RUBCN: variants seen among roughly 807,000 people sequenced by gnomAD.
The protein encoded by RUBCN is rubicon autophagy regulator, also known as run domain Beclin-1-interacting and cysteine-rich domain-containing protein.
A neutral mutation model predicts 113.2 loss-of-function variants in RUBCN; 74 were observed. That is an observed-to-expected ratio of 0.65 (90% CI 0.54 to 0.79). The LOEUF (loss-of-function observed/expected upper bound fraction) is 0.79, where lower values mean the gene tolerates loss of function less well. Among genes scored for constraint, RUBCN ranks in the 30% least tolerant of loss-of-function variants. The pLI, the probability that RUBCN is intolerant of heterozygous loss-of-function variation, is 0.00. For missense variants in RUBCN, 1,109 were observed against 1,251.7 expected, an observed-to-expected ratio of 0.89 and a Z score of 1.72; for synonymous variants, 480 against 490.0, an observed-to-expected ratio of 0.98 and a Z score of 0.27.
At position 197,681,797 on chromosome 3, in the gene RUBCN, C is replaced by T; in HGVS notation, c.2191+38G>A. 1.3e-6 allele frequency: 2 copies of T among 1,581,350 alleles called. No homozygotes were observed. Among genetic ancestry groups the T allele is most frequent in the Non-Finnish European group, 1.7e-6 (2 of 1,150,140 alleles). ...CCTACGTGTCGGGGAGGGTACAGAG[C>T]CTCTGGAGGCAGCATGGTGGGAAGG... On this transcript the variant is annotated intron_variant, in intron 15 of 19. Transcript: ENST00000296343. This position sits in a 1 kb window ranked among gnomAD's most constrained non-coding sequence, Gnocchi z 5.5.
chr3:197,728,990 G>C (rs547922122), intron 1 of RUBCN, among the ~76,000 whole-genome samples: 2 of 152,124 alleles, frequency 1.3e-5, no homozygotes, highest in South Asian at 2.1e-4. Context: ...CAGGCCGGGC[G>C]CGGTGGCTCA....
chr3:197,749,728 A>C, upstream of RUBCN: 2 of 620,034 alleles, frequency 3.2e-6, no homozygotes, highest in Non-Finnish European at 5.9e-6. Flanking sequence ...AGCGCCTAGC[A>C]CAGCGGCTGC....
At chr3:197,679,092 C>T (rs1720857550) in intron 16 of RUBCN, among the ~76,000 whole-genome samples, 1 of 149,552 alleles carries the variant, frequency 6.7e-6, no homozygotes, top group Non-Finnish European at 1.5e-5. Context: ...GTCCTGTGCT[C>T]TAACTGACAA....
In RUBCN at chr3:197,675,091, G is replaced by A; in HGVS notation, c.2846C>T (p.Ser949Phe). Residue 949 changes from serine to phenylalanine, a missense_variant, in exon 20 of 20, where the codon TCT becomes TTT. Physicochemically the swap from Ser to Phe is radical, Grantham distance 155. Coordinates refer to ENST00000296343, the MANE Select transcript of RUBCN (RefSeq NM_014687.4). The surrounding 1 kb of genome is among the most constrained non-coding windows in gnomAD (Gnocchi z 4.4). ...CTCCTCCTCGTAGTCTGACAGGTAA[G>A]ACTCCAGGCTCTGCCTGGCCAGTGC... The part of the protein sequence containing the change: ...REALARQSLE[S>F]YLSDYEEEPA... 1 of 1,613,488 alleles carries A rather than the reference G, an allele frequency of 6.2e-7. No homozygotes were observed. The highest frequency in any genetic ancestry group is 8.5e-7 in the Non-Finnish European group (1 of 1,179,982).
At chr3:197,706,902 ATCATGAAGACCT>A (rs1271654100) in intron 2 of RUBCN, among the ~76,000 whole-genome samples, 2 of 152,114 alleles carry the variant, frequency 1.3e-5, no homozygotes, top group Non-Finnish European at 2.9e-5. Flanking sequence ...GACAATAAAC[ATCATGAAGACCT>A]TCAGTATTCT....
At chr3:197,729,145 CAAA>C (rs572262416) in intron 1 of RUBCN, among the ~76,000 whole-genome samples, 4 of 75,402 alleles carry the variant, frequency 5.3e-5, no homozygotes, top group South Asian at 4.5e-4. Context: ...GACTCCGTCT[CAAA>C]AAAAAAAAAA....
At position 197,675,113 on chromosome 3, in the gene RUBCN, G is replaced by C. The variant is rs2108827471; in HGVS notation, c.2824C>G (p.Leu942Val). The C allele has an allele frequency of 6.2e-7, 1 of 1,613,642 alleles. No individual in the cohort carries two copies. Among genetic ancestry groups the C allele is most frequent in the Non-Finnish European group, 8.5e-7 (1 of 1,180,016 alleles). ...CERLQARREA[L>V]ARQSLESYLS... ...TAAGACTCCAGGCTCTGCCTGGCCA[G>C]TGCCTCCCGCCGGGCCTGCAGCCGC... Residue 942 changes from leucine (L) to valine (V), a missense_variant, in exon 20 of 20, where the codon CTG (leucine) becomes GTG (valine). Leu to Val is a conservative substitution (Grantham distance 32, BLOSUM62 1). This residue lies in a region of RUBCN where 306 missense variants were observed against 348.9 expected (regional missense o/e 0.88). Transcript: ENST00000296343. This position sits in a 1 kb window ranked among gnomAD's most constrained non-coding sequence, Gnocchi z 4.4.
chr3:197,669,176 T>C lies in RUBCN; in HGVS notation c.*5842A>G, dbSNP rs1181888522. ...CTCTCCCTAATGTTACCATCTTACA[T>C]TACTGTAGTACTGGACATTTCCCAA... is the stretch of plus-strand genomic sequence containing the variant. On this transcript the variant is annotated 3_prime_UTR_variant, in exon 20 of 20. Coordinates refer to ENST00000296343, the MANE Select transcript of RUBCN (RefSeq NM_014687.4). 6.6e-6 allele frequency among the ~76,000 whole-genome samples: 1 copy of C among 152,234 alleles called. No individual in the cohort carries two copies. The highest frequency in any genetic ancestry group is 1.5e-5 in the Non-Finnish European group (1 of 68,046).
chr3:197,694,017 G>A (rs528539058), intron 10 of RUBCN: 1 of 572,324 alleles, frequency 1.7e-6, no homozygotes, highest in Admixed American at 3.0e-5. Flanking sequence ...CCTCATATCA[G>A]GAAGCTATTT....
intron 1 of RUBCN, among the ~76,000 whole-genome samples, chr3:197,719,397 G>T (rs1024331085): frequency 1.4e-5 from 2 of 147,834 alleles, no homozygotes; most frequent in African/African-American, 5.0e-5. Context: ...AGAATCGCTT[G>T]AACCTGGGAA....
At position 197,674,851 on chromosome 3, in the gene RUBCN, TGACTGCA is replaced by T; in HGVS notation, c.*160_*166del. On this transcript the variant is annotated 3_prime_UTR_variant, in exon 20 of 20. Transcript: ENST00000296343. ...CTGGACCCATCAACCTGCCGACGGC[TGACTGCA>T]CACAGACGTCAGACAAGTCAGTAAA... 5.2e-6 allele frequency: 3 copies of T among 580,638 alleles called. No individual in the cohort carries two copies. Among genetic ancestry groups the T allele is most frequent in the Non-Finnish European group, 8.5e-6 (3 of 353,792 alleles). The allele number at this position is 580,638 out of a possible 1,614,324, so 36.0% of individuals were successfully genotyped here.
intron 1 of RUBCN, among the ~76,000 whole-genome samples, chr3:197,727,556 A>G (rs1726901850): frequency 6.6e-6 from 1 of 152,232 alleles, no homozygotes. Flanking sequence ...GTTTGGTTAC[A>G]GTGTTCCACA....
intron 1 of RUBCN, among the ~76,000 whole-genome samples, chr3:197,728,479 A>C (rs1377515539): frequency 6.6e-6 from 1 of 152,246 alleles, no homozygotes; most frequent in African/African-American, 2.4e-5. Flanking sequence ...AAAGAAAGAA[A>C]ACAGGAAATA....
At chr3:197,723,917 A>T (rs2108976901) in intron 1 of RUBCN, among the ~76,000 whole-genome samples, 1 of 152,230 alleles carries the variant, frequency 6.6e-6, no homozygotes, top group Middle Eastern at 3.4e-3. Context: ...CAACATGGAA[A>T]AACCCCGTTC....
At chr3:197,680,498 C>G (rs547785594) in intron 16 of RUBCN, among the ~76,000 whole-genome samples, 1 of 145,688 alleles carries the variant, frequency 6.9e-6, no homozygotes, top group African/African-American at 2.5e-5. Flanking sequence ...CGCTCTAACT[C>G]GACAAGTGGC....
At chr3:197,684,125 TTTTC>T (rs1317491169) in intron 12 of RUBCN, 28 bp downstream of exon 12, 1 of 1,545,122 alleles carries the variant, frequency 6.5e-7, no homozygotes, top group Non-Finnish European at 8.9e-7. Flanking sequence ...TAAGGTTTTC[TTTTC>T]TTTTTTTTGG....
At chr3:197,738,222 C>T (rs984093623), upstream of RUBCN, among the ~76,000 whole-genome samples, 5 of 152,182 alleles carry the variant, frequency 3.3e-5, no homozygotes, top group Admixed American at 2.0e-4. Context: ...CAAACCCAGG[C>T]TTAAACTACA....
intron 1 of RUBCN, among the ~76,000 whole-genome samples, chr3:197,733,634 T>C (rs1266689565): frequency 6.6e-6 from 1 of 152,222 alleles, no homozygotes; most frequent in African/African-American, 2.4e-5. Context: ...TATTTACCAG[T>C]TGTGTATCTG....
intron 11 of RUBCN, among the ~76,000 whole-genome samples, chr3:197,686,584 C>G (rs529387702): frequency 6.6e-6 from 1 of 152,152 alleles, no homozygotes; most frequent in African/African-American, 2.4e-5. Context: ...TAAGTTGACA[C>G]GGGTGAAACC....
Sources: allele counts gnomAD v4.1 joint callset (sites outside exome capture counted in the v4.1 genomes callset), GRCh38; gene constraint gnomAD v4.1.1; regional missense constraint gnomAD v4.1.1; non-coding constraint Gnocchi (gnomAD v3.1); transcripts MANE v1.5; gene names NCBI Gene and HGNC (gene_info 2026-07-23, HGNC 2026-07-21).